TCAF1: variants seen among roughly 807,000 people sequenced by gnomAD.
TCAF1 encodes TRPM8 channel-associated factor 1.
TCAF1 carries 4 observed loss-of-function variants against 27.3 expected under a neutral mutation model. The ratio of observed to expected loss-of-function variants is 0.15; its 90% CI spans 0.07 to 0.34. The LOEUF (loss-of-function observed/expected upper bound fraction) is 0.34. Ranked by LOEUF, TCAF1 falls within the 10% of genes least tolerant of loss-of-function variation. The pLI is 1.00. For synonymous variants in TCAF1, 105 were observed against 167.1 expected (o/e 0.63, Z 2.87); for missense variants, 257 against 425.8 (o/e 0.60, Z 3.49).
At chr7:143,885,794 A>G (rs1813373123) in intron 1 of TCAF1, among the ~76,000 whole-genome samples, 1 of 152,198 alleles carries the variant, frequency 6.6e-6, no homozygotes, top group Non-Finnish European at 1.5e-5. Context: ...ATAAACACAG[A>G]AATTGTATGG....
At chr7:143,882,454 C>A in intron 1 of TCAF1, 2 of 985,424 alleles carry the variant, frequency 2.0e-6, no homozygotes, top group Non-Finnish European at 2.4e-6. Flanking sequence ...AGCAAGCACA[C>A]ACAAACATCA....
chr7:143,884,680 C>A (rs752877457), intron 1 of TCAF1, among the ~76,000 whole-genome samples: 3 of 149,140 alleles, frequency 2.0e-5, no homozygotes, highest in Non-Finnish European at 4.4e-5. Context: ...GCTAACTTAC[C>A]TCTCAGGATG....
At chr7:143,885,956 T>TCACCCAAGCAGCTGG (rs1208786967) in intron 1 of TCAF1, among the ~76,000 whole-genome samples, 1 of 152,214 alleles carries the variant, frequency 6.6e-6, no homozygotes, top group Non-Finnish European at 1.5e-5. Flanking sequence ...TAAAATATCC[T>TCACCCAAGCAGCTGG]CACCCAAGCA....
chr7:143,882,734 A>AC (rs1338187387), intron 1 of TCAF1: 1 of 985,162 alleles, frequency 1.0e-6, no homozygotes, highest in East Asian at 1.1e-4. Context: ...AGGGCCACTC[A>AC]CCAGGTCACC....
chr7:143,876,792 C>T (rs1349038632), intron 1 of TCAF1, among the ~76,000 whole-genome samples, 170 bp from the exon 2 acceptor site: 1 of 152,142 alleles, frequency 6.6e-6, no homozygotes, highest in African/African-American at 2.4e-5. Flanking sequence ...CCAGGAGACC[C>T]CAATGGGCCC....
At chr7:143,888,047 A>G (rs970242321) in intron 1 of TCAF1, among the ~76,000 whole-genome samples, 2 of 152,226 alleles carry the variant, frequency 1.3e-5, no homozygotes, top group African/African-American at 4.8e-5. Context: ...GTAAAAATGT[A>G]TCAAGCTGTA....
At chr7:143,896,822 A>T (rs1239413057) in intron 1 of TCAF1, among the ~76,000 whole-genome samples, 2 of 151,926 alleles carry the variant, frequency 1.3e-5, no homozygotes, top group Non-Finnish European at 2.9e-5. Flanking sequence ...TAGCTTTAAA[A>T]GCTTACATAG....
chr7:143,860,037 AATATATAAT>A (rs1811930883), intron 6 of TCAF1, among the ~76,000 whole-genome samples, 162 bp downstream of exon 6: 1 of 68,244 alleles, frequency 1.5e-5, no homozygotes, highest in African/African-American at 6.0e-5. Context: ...TTATATATAT[AATATATAAT>A]ATATATTATA....
intron 1 of TCAF1, among the ~76,000 whole-genome samples, chr7:143,878,540 G>C (rs1024802079): frequency 6.6e-6 from 1 of 152,098 alleles, no homozygotes; most frequent in Non-Finnish European, 1.5e-5. Flanking sequence ...AACTAAAAAA[G>C]TCTTGAATTT....
intron 1 of TCAF1, among the ~76,000 whole-genome samples, chr7:143,881,484 T>C (rs1813019471): frequency 1.3e-5 from 2 of 152,184 alleles, no homozygotes; most frequent in African/African-American, 4.8e-5. Context: ...TCAACCCCTT[T>C]TTTGAATTCT....
chr7:143,898,416 G>A (rs971097658), intron 1 of TCAF1, among the ~76,000 whole-genome samples: 6 of 151,998 alleles, frequency 3.9e-5, no homozygotes, highest in African/African-American at 9.7e-5. Flanking sequence ...CATTATTTTC[G>A]GATGATATGA....
At chr7:143,896,520 A>G (rs879536326) in intron 1 of TCAF1, among the ~76,000 whole-genome samples, 1 of 152,090 alleles carries the variant, frequency 6.6e-6, no homozygotes, top group Non-Finnish European at 1.5e-5. Context: ...CAGACTACAC[A>G]TTCTTTTTAC....
intron 1 of TCAF1, among the ~76,000 whole-genome samples, chr7:143,892,652 T>G (rs1011567155): frequency 1.3e-5 from 2 of 152,032 alleles, no homozygotes; most frequent in African/African-American, 4.8e-5. Flanking sequence ...ATTTATAGAT[T>G]GCATGTTTGT....
chr7:143,876,592 G>C lies in TCAF1; in HGVS notation c.17C>G (p.Ala6Gly). 1.3e-6 allele frequency: 2 copies of C among 1,511,532 alleles called. No individual in the cohort carries two copies. Among genetic ancestry groups the C allele is most frequent in the East Asian group, 4.5e-5 (2 of 44,078 alleles). 93.6% of individuals were successfully genotyped at this position (1,511,532 alleles called of 1,614,324 possible). Residue 6 changes from alanine to glycine, a missense_variant, in exon 2 of 9, where the codon GCT (alanine) becomes GGT (glycine). Coordinates refer to ENST00000479870, the MANE Select transcript of TCAF1 (RefSeq NM_014719.3). MATPS[A>G]AFEALMNGVT... ...ACCATTCATAAGGGCCTCGAAGGCAGCAGAGGGAGTCGCCATGGCTCTATT... is the reference window on the plus strand; with the variant it reads ...ACCATTCATAAGGGCCTCGAAGGCACCAGAGGGAGTCGCCATGGCTCTATT...
At chr7:143,898,854 C>T (rs1247704749) in intron 1 of TCAF1, among the ~76,000 whole-genome samples, 3 of 152,156 alleles carry the variant, frequency 2.0e-5, no homozygotes, top group African/African-American at 7.2e-5. Context: ...GAGAGGCCAT[C>T]AGGTCATGAC....
chr7:143,882,193 A>ACACACACACACACACAC, intron 1 of TCAF1: 3 of 150,246 alleles, frequency 2.0e-5, no homozygotes, highest in African/African-American at 7.7e-5. Context: ...CATGCGCGTA[A>ACACACACACACACACAC]ACACACACAC....
At chr7:143,885,466 G>T (rs1483314233) in intron 1 of TCAF1, 1 of 985,284 alleles carries the variant, frequency 1.0e-6, no homozygotes, top group Non-Finnish European at 1.2e-6. Flanking sequence ...CTTTGTGTCA[G>T]TTTCTACCCC....
chr7:143,879,807 ACCC>A, intron 1 of TCAF1, among the ~76,000 whole-genome samples: 1 of 151,874 alleles, frequency 6.6e-6, no homozygotes, highest in African/African-American at 2.4e-5. Flanking sequence ...CCAGCATAAG[ACCC>A]TGTAGCACTG....
At chr7:143,885,039 C>G in intron 1 of TCAF1, 1 of 985,396 alleles carries the variant, frequency 1.0e-6, no homozygotes, top group Non-Finnish European at 1.2e-6. Context: ...AAAACGCGAC[C>G]ACTTTGGCAG....
Sources: allele counts gnomAD v4.1 joint callset (sites outside exome capture counted in the v4.1 genomes callset), GRCh38; gene constraint gnomAD v4.1.1; transcripts MANE v1.5; gene names NCBI Gene and HGNC (gene_info 2026-07-23, HGNC 2026-07-21).